PDE1C: variants seen among roughly 807,000 people sequenced by gnomAD.
The protein encoded by PDE1C is dual specificity calcium/calmodulin-dependent 3',5'-cyclic nucleotide phosphodiesterase 1C.
PDE1C carries 62 observed loss-of-function variants against 93.1 expected under a neutral mutation model. That is an observed-to-expected ratio of 0.67 (90% confidence interval 0.54 to 0.82). The LOEUF (loss-of-function observed/expected upper bound fraction) is 0.82, where lower values mean the gene tolerates loss of function less well. PDE1C is among the 40% of genes least tolerant of loss of function. The pLI, the probability that PDE1C is intolerant of heterozygous loss-of-function variation, is 0.00. For missense variants in PDE1C, 742 were observed against 884.6 expected (o/e 0.84, Z 2.04); for synonymous variants, 325 against 310.1 (o/e 1.05, Z -0.50).
At chr7:31,732,617 C>CTCTA in the PDE1C span, among the ~76,000 whole-genome samples, 1 of 139,748 alleles carries the variant, frequency 7.2e-6, no homozygotes, top group African/African-American at 2.7e-5. Context: ...ATCTTTCTCT[C>CTCTA]TCTCTCTCTC....
the PDE1C span, among the ~76,000 whole-genome samples, chr7:31,734,691 G>A: frequency 3.3e-5 from 5 of 152,094 alleles, no homozygotes; most frequent in Admixed American, 2.6e-4. Context: ...AAATAAGGGC[G>A]GTGTTGTCCC....
chr7:32,022,031 A>G (rs768930431), intron 2 of PDE1C, among the ~76,000 whole-genome samples: 1 of 152,148 alleles, frequency 6.6e-6, no homozygotes, highest in Non-Finnish European at 1.5e-5. Context: ...TAAGTACATA[A>G]TTAGGTTGCC....
At chr7:32,205,861 C>T (rs73106512) in intron 2 of PDE1C, among the ~76,000 whole-genome samples, 52,355 of 151,804 alleles carry the variant, frequency 0.34, 9,536 homozygotes, top group Admixed American at 0.46. Context: ...TCATTAAGAT[C>T]GTGAACCCAT....
chr7:32,384,701 G>T (rs888715376), intron 1 of PDE1C, among the ~76,000 whole-genome samples: 1 of 152,152 alleles, frequency 6.6e-6, no homozygotes, highest in African/African-American at 2.4e-5. Context: ...CCCAAGGGCA[G>T]TAAAGAACCA....
chr7:31,848,907 C>A (rs1792966688), intron 8 of PDE1C, among the ~76,000 whole-genome samples: 1 of 152,144 alleles, frequency 6.6e-6, no homozygotes, highest in South Asian at 2.1e-4. Context: ...ATCTATCATA[C>A]CTTGAAACTG....
chr7:31,786,923 ATCTATCTATCTATCT>A (rs1172138559), intron 16 of PDE1C: 7 of 134,046 alleles, frequency 5.2e-5, no homozygotes, highest in Admixed American at 7.2e-5. Flanking sequence ...CTATCTATCT[ATCTATCTATCTATCT>A]ATCTATCTAT....
the PDE1C span, among the ~76,000 whole-genome samples, chr7:31,641,060 C>T: frequency 7.2e-5 from 11 of 152,250 alleles, no homozygotes; most frequent in Non-Finnish European, 1.5e-4. Context: ...TCTCCACTTG[C>T]TGTCTTTGCT....
chr7:32,372,740 C>A (rs574588766), intron 1 of PDE1C, among the ~76,000 whole-genome samples: 2 of 152,248 alleles, frequency 1.3e-5, no homozygotes, highest in Admixed American at 6.5e-5. Context: ...ACAGAATATA[C>A]AAGGAACCCT....
At chr7:32,149,212 A>G (rs1308098577) in intron 3 of PDE1C, among the ~76,000 whole-genome samples, 1 of 152,232 alleles carries the variant, frequency 6.6e-6, no homozygotes, top group Non-Finnish European at 1.5e-5. Context: ...AATAGATAAC[A>G]TGAACATCGA....
chr7:31,926,228 A>T (rs1014428301), intron 2 of PDE1C, among the ~76,000 whole-genome samples: 1 of 152,126 alleles, frequency 6.6e-6, no homozygotes, highest in African/African-American at 2.4e-5. Context: ...TTTCTTTTTC[A>T]GTGAGTCATT....
chr7:32,417,278 CTTTTTTTTT>C (rs111750487), intron 1 of PDE1C, among the ~76,000 whole-genome samples: 7 of 142,150 alleles, frequency 4.9e-5, no homozygotes, highest in African/African-American at 1.5e-4. Flanking sequence ...AAAGTGATGA[CTTTTTTTTT>C]TTTTTTAACC....
At chr7:31,996,964 T>C (rs1584380109) in intron 2 of PDE1C, among the ~76,000 whole-genome samples, 1 of 152,214 alleles carries the variant, frequency 6.6e-6, no homozygotes, top group African/African-American at 2.4e-5. Flanking sequence ...TAATGAGAAG[T>C]GACATAGTCC....
chr7:32,053,938 C>T (rs30585), intron 1 of PDE1C, among the ~76,000 whole-genome samples: 3 of 151,416 alleles, frequency 2.0e-5, no homozygotes, highest in Admixed American at 6.6e-5. Flanking sequence ...GTCTTGATTG[C>T]TGGGTGAAAT....
chr7:31,865,518 A>C (rs1159161568), intron 6 of PDE1C, among the ~76,000 whole-genome samples: 3 of 152,230 alleles, frequency 2.0e-5, no homozygotes, highest in Non-Finnish European at 4.4e-5. Flanking sequence ...GACACCAAAC[A>C]ATGTTGTAAA....
intron 1 of PDE1C, among the ~76,000 whole-genome samples, chr7:32,404,051 T>TC (rs1346719544): frequency 6.6e-6 from 1 of 152,178 alleles, no homozygotes; most frequent in Non-Finnish European, 1.5e-5. Context: ...GCCCAACGAC[T>TC]AACTGCCTGG....
chr7:31,803,228 A>G (rs191133801), intron 16 of PDE1C, among the ~76,000 whole-genome samples: 2 of 151,880 alleles, frequency 1.3e-5, no homozygotes, highest in East Asian at 3.9e-4. Flanking sequence ...CATATCAGAT[A>G]TTGTAGTTTT....
chr7:31,710,279 G>A, the PDE1C span, among the ~76,000 whole-genome samples: 2 of 152,188 alleles, frequency 1.3e-5, no homozygotes, highest in African/African-American at 2.4e-5. Flanking sequence ...CATTCTGAAG[G>A]CATCTACCAG....
At chr7:31,908,467 G>A (rs1800859800) in intron 2 of PDE1C, among the ~76,000 whole-genome samples, 3 of 152,046 alleles carry the variant, frequency 2.0e-5, no homozygotes, top group Admixed American at 6.6e-5. Context: ...ACCACTGCAG[G>A]GCGCATCCAG....
the PDE1C span, chr7:31,655,968 A>G: frequency 1.7e-5 from 17 of 985,258 alleles, no homozygotes; most frequent in Non-Finnish European, 1.9e-5. Flanking sequence ...CTCCAATTCT[A>G]TTCCCCTAAA....
Sources: gnomAD v4.1 joint callset for allele counts (sites outside exome capture counted in the v4.1 genomes callset) on GRCh38, gnomAD v4.1.1 for gene constraint, MANE v1.5 for transcripts, NCBI Gene and HGNC (gene_info 2026-07-23, HGNC 2026-07-21) for gene names.